ZNF283: variants seen among roughly 807,000 people sequenced by gnomAD.
ZNF283 encodes zinc finger protein 41.
Under a neutral mutation model 9.2 loss-of-function variants are expected in ZNF283, and 10 were observed. That is an observed-to-expected ratio of 1.09 (90% CI 0.67 to 1.85). The LOEUF is 1.85. Ranked by LOEUF, ZNF283 falls within the 40% of genes most tolerant of loss-of-function variation. ZNF283 has a pLI of 0.00. For synonymous variants in ZNF283, 234 were observed against 244.1 expected (o/e 0.96, Z 0.38); for missense variants, 631 against 760.1 (o/e 0.83, Z 2.00).
intron 2 of ZNF283, among the ~76,000 whole-genome samples, chr19:43,830,431 G>A (rs1970655210): frequency 6.6e-6 from 1 of 152,034 alleles, no homozygotes. Flanking sequence ...CGAGCTTCCA[G>A]GTGACCAAAA....
chr19:43,840,003 G>A (rs1971134922), intron 6 of ZNF283, among the ~76,000 whole-genome samples: 2 of 151,880 alleles, frequency 1.3e-5, no homozygotes, highest in South Asian at 2.1e-4. Flanking sequence ...TTAAAACTGG[G>A]CATTTTGAGT....
chr19:43,829,071 C>T (rs968483822), intron 2 of ZNF283, among the ~76,000 whole-genome samples: 2 of 152,106 alleles, frequency 1.3e-5, no homozygotes, highest in Non-Finnish European at 1.5e-5. Context: ...TGTAAGAAGC[C>T]GTACTATGTT....
intron 1 of ZNF283, 88 bp from the exon 2 acceptor site, chr19:43,828,114 A>G (rs999617457): frequency 6.6e-6 from 1 of 152,082 alleles, no homozygotes; most frequent in Admixed American, 6.6e-5. Flanking sequence ...GTGGCCCCAG[A>G]GGGTGTTTTG....
Position 43,848,272 on chromosome 19 carries a change from C to A in ZNF283, c.1671C>A (p.His557Gln). 6.2e-7 allele frequency: 1 copy of A among 1,612,362 alleles called. No individual in the cohort carries two copies. The highest frequency in any genetic ancestry group is 8.5e-7 in the Non-Finnish European group (1 of 1,179,542). The change falls in exon 7 of 7, where the codon CAC becomes CAA. Residue 557 changes from histidine to glutamine, a missense_variant. Physicochemically the swap from His to Gln is conservative, Grantham distance 24 (BLOSUM62 0). Transcript: ENST00000618787. ...GGAAGGCTTTTAGTCGTGGCTATCACCTTACTCAACATCAGAAAATTCATA... is the reference window on the plus strand; with the variant it reads ...GGAAGGCTTTTAGTCGTGGCTATCAACTTACTCAACATCAGAAAATTCATA... ...ECGKAFSRGY[H>Q]LTQHQKIHTG...
In ZNF283 at chr19:43,835,529, T is replaced by C. The variant is rs1970935907; in HGVS notation, c.147T>C (p.Ala49=). ...DYSSGFSGFC[A]SPIEESHGAL... ...GTTCTGGCTTTTCTGGATTCTGTGC[T>C]TCACCAATAGAGGAATCCCATGGAG... The change falls in exon 5 of 7, where the codon GCT becomes GCC. Residue 49 remains alanine (A), a synonymous_variant. Coordinates refer to ENST00000618787, the MANE Select transcript of ZNF283 (RefSeq NM_181845.2). 6.2e-7 allele frequency: 1 copy of C among 1,611,274 alleles called. No individual in the cohort carries two copies. The highest frequency in any genetic ancestry group is 1.3e-5 in the African/African-American group (1 of 74,916).
At chr19:43,837,222 A>T in intron 6 of ZNF283, 43 bp downstream of exon 6, 1 of 1,527,348 alleles carries the variant, frequency 6.5e-7, no homozygotes, top group Non-Finnish European at 8.8e-7. Flanking sequence ...TCCTCTTTGC[A>T]TCATCAGTTT....
At chr19:43,837,272 G>T in intron 6 of ZNF283, 93 bp downstream of exon 6, 1 of 1,331,720 alleles carries the variant, frequency 7.5e-7, no homozygotes. Context: ...GAAGAAACCA[G>T]GTGAATTTCT....
intron 2 of ZNF283, among the ~76,000 whole-genome samples, chr19:43,829,947 C>G (rs1970632262): frequency 6.6e-6 from 1 of 152,114 alleles, no homozygotes; most frequent in Non-Finnish European, 1.5e-5. Context: ...TGCTTGAACC[C>G]AGCAGGCGGA....
intron 6 of ZNF283, among the ~76,000 whole-genome samples, chr19:43,843,006 A>G (rs1036544903): frequency 1.3e-5 from 2 of 152,222 alleles, no homozygotes; most frequent in Admixed American, 6.5e-5. Flanking sequence ...ATACCAAAGT[A>G]TGATGGTTGC....
At chr19:43,844,653 C>A (rs1549954) in intron 6 of ZNF283, among the ~76,000 whole-genome samples, 61,544 of 151,912 alleles carry the variant, frequency 0.41, 12,897 homozygotes, top group South Asian at 0.56. Flanking sequence ...AAACTTACTT[C>A]CCACATTCAC....
At chr19:43,838,543 T>C (rs1568418336) in intron 6 of ZNF283, among the ~76,000 whole-genome samples, 1 of 152,090 alleles carries the variant, frequency 6.6e-6, no homozygotes, top group Non-Finnish European at 1.5e-5. Flanking sequence ...GTGGCTGGAT[T>C]GCTTGAACCT....
chr19:43,832,057 G>C (rs1970733850), intron 3 of ZNF283, among the ~76,000 whole-genome samples: 1 of 150,600 alleles, frequency 6.6e-6, no homozygotes, highest in Non-Finnish European at 1.5e-5. Flanking sequence ...TTAGTTCTTA[G>C]TTTGAAAAAA....
At position 43,849,193 on chromosome 19, in the gene ZNF283, C is replaced by G. The variant is rs899136002; in HGVS notation, c.*552C>G. ...GACAAATGCTACCCAAATTATTATC[C>G]AGAGACTGGTGCAGTCATAAAATTG... On this transcript the variant is annotated 3_prime_UTR_variant, in exon 7 of 7. Coordinates refer to ENST00000618787, the MANE Select transcript of ZNF283 (RefSeq NM_181845.2). 1.3e-5 allele frequency: 2 copies of G among 152,176 alleles called. No homozygotes were observed. Among genetic ancestry groups the G allele is most frequent in the African/African-American group, 2.4e-5 (1 of 41,434 alleles). The allele number at this position is 152,176 out of a possible 1,614,324, so 9.4% of individuals were successfully genotyped here.
intron 6 of ZNF283, chr19:43,840,570 C>T (rs55792462): frequency 0.025 from 3,740 of 152,308 alleles, 63 homozygotes; most frequent in Non-Finnish European, 0.038. Flanking sequence ...GTGGCTTGCA[C>T]GAGCCACTCT....
chr19:43,837,410 T>C (rs1222704012), intron 6 of ZNF283: 1 of 427,790 alleles, frequency 2.3e-6, no homozygotes, highest in Non-Finnish European at 4.1e-6. Context: ...ATCACCTCTC[T>C]CCTTTAATGG....
At chr19:43,830,357 C>A (rs541569436) in intron 2 of ZNF283, among the ~76,000 whole-genome samples, 1 of 152,264 alleles carries the variant, frequency 6.6e-6, no homozygotes, top group South Asian at 2.1e-4. Context: ...GGATTACAGG[C>A]GTGAGCCACT....
chr19:43,837,492 C>T lies in ZNF283; in HGVS notation c.337+313C>T, dbSNP rs1971031701. Reference sequence around the variant, plus strand: ...GCAAAGAAACCAGATTTCATAAATTCTGCAAATATTATATTGAATATCTAC... The same window carrying T: ...GCAAAGAAACCAGATTTCATAAATTTTGCAAATATTATATTGAATATCTAC... On this transcript the variant is annotated intron_variant, in intron 6 of 6. Coordinates refer to ENST00000618787, the MANE Select transcript of ZNF283 (RefSeq NM_181845.2). The T allele has an allele frequency of 1.0e-5, 4 of 393,658 alleles. No homozygotes were observed. The Admixed American group carries it at 1.7e-4, about 17-fold the overall frequency. 24.4% of individuals were successfully genotyped at this position (393,658 alleles called of 1,614,324 possible).
At chr19:43,837,602 TA>T (rs1971036471) in intron 6 of ZNF283, 1 of 239,058 alleles carries the variant, frequency 4.2e-6, no homozygotes, top group African/African-American at 2.2e-5. Context: ...GTTTACTTTG[TA>T]GTAAAGCAGA....
Position 43,830,668 on chromosome 19 carries a change from C to T in ZNF283, c.-64-650C>T, listed in dbSNP as rs150002574. Among the ~76,000 whole-genome samples the T allele has an allele frequency of 2.4e-3, 364 of 151,908 alleles. 4 individuals carry two copies. The highest frequency in any genetic ancestry group is 8.2e-3 in the African/African-American group (341 of 41,412). On this transcript the variant is annotated intron_variant, in intron 2 of 6. Coordinates refer to ENST00000618787, the MANE Select transcript of ZNF283 (RefSeq NM_181845.2). ...CTGTAATCCCAACGCTTTGGGAGGC[C>T]GAGGCGGGTGGATCACTTGAGGTCA...
Sources: allele counts gnomAD v4.1 joint callset (sites outside exome capture counted in the v4.1 genomes callset), GRCh38; gene constraint gnomAD v4.1.1; transcripts MANE v1.5; gene names NCBI Gene and HGNC (gene_info 2026-07-23, HGNC 2026-07-21).